Variants in PXDNL observed in about 807,000 individuals in gnomAD.
PXDNL encodes the protein peroxidasin like.
A neutral mutation model predicts 150.8 loss-of-function variants in PXDNL; 145 were observed. The ratio of observed to expected loss-of-function variants is 0.96; its 90% CI spans 0.84 to 1.10. The LOEUF is 1.10. Ranked by LOEUF, PXDNL falls within the 50% of genes least tolerant of loss-of-function variation. PXDNL has a pLI of 0.00. For missense variants in PXDNL, 2,087 were observed against 1,873.9 expected (o/e 1.11, Z -2.10); for synonymous variants, 757 against 725.7 (o/e 1.04, Z -0.69).
intron 1 of PXDNL, among the ~76,000 whole-genome samples, chr8:51,721,198 A>C (rs147718060): frequency 1.0e-3 from 158 of 152,346 alleles, no homozygotes; most frequent in African/African-American, 3.7e-3. Flanking sequence ...CTGGCACTGA[A>C]AACGAGCAGA....
At chr8:51,597,840 G>T (rs13253251) in intron 2 of PXDNL, among the ~76,000 whole-genome samples, 1 of 151,488 alleles carries the variant, frequency 6.6e-6, no homozygotes, top group East Asian at 1.9e-4. Flanking sequence ...TCAGCCTCCC[G>T]AGTAGCTGGG....
intron 8 of PXDNL, among the ~76,000 whole-genome samples, chr8:51,462,955 G>T (rs1245655295): frequency 6.6e-6 from 1 of 152,134 alleles, no homozygotes; most frequent in Non-Finnish European, 1.5e-5. Flanking sequence ...TTGCAAGCCA[G>T]AAGAGATTTT....
chr8:51,649,168 T>C (rs963371263), intron 2 of PXDNL, among the ~76,000 whole-genome samples: 2 of 152,192 alleles, frequency 1.3e-5, no homozygotes, highest in African/African-American at 4.8e-5. Context: ...CCTCTTTGGC[T>C]GGTAACTGTG....
intron 5 of PXDNL, among the ~76,000 whole-genome samples, chr8:51,497,566 C>T (rs147552774): frequency 5.0e-4 from 76 of 151,782 alleles, no homozygotes; most frequent in African/African-American, 1.7e-3. Flanking sequence ...AGAATCTACA[C>T]TGAACTCAAA....
intron 1 of PXDNL, among the ~76,000 whole-genome samples, chr8:51,744,855 AGGAAAGAGAAAGAAAAG>A (rs2036960186): frequency 2.0e-5 from 3 of 150,418 alleles, no homozygotes; most frequent in South Asian, 2.1e-4. Context: ...GAAGGAAAGA[AGGAAAGAGAAAGAAAAG>A]GGAAAGAGAA....
At chr8:51,776,353 G>A (rs887771135) in intron 1 of PXDNL, among the ~76,000 whole-genome samples, 1 of 152,044 alleles carries the variant, frequency 6.6e-6, no homozygotes, top group Non-Finnish European at 1.5e-5. Flanking sequence ...AAACTTGCTG[G>A]TTTTGCGGGT....
intron 4 of PXDNL, among the ~76,000 whole-genome samples, chr8:51,539,317 A>C (rs143036216): frequency 1.3e-5 from 2 of 152,196 alleles, no homozygotes; most frequent in African/African-American, 4.8e-5. Flanking sequence ...AATTAAACTT[A>C]CTTATGCATG....
Position 51,319,978 on chromosome 8 carries a change from G to A in PXDNL, c.4305C>T (p.Pro1435=). 1.3e-6 allele frequency: 2 copies of A among 1,573,930 alleles called. No homozygotes were observed. The highest frequency in any genetic ancestry group is 1.7e-6 in the Non-Finnish European group (2 of 1,160,516). Residue 1435 remains proline (P), a synonymous_variant, in exon 23 of 23, where the codon CCC becomes CCT. Transcript: ENST00000356297. ...TCVVEICPPA[P]CPSPELVKGT... ...CTTTCACCAATTCAGGACTGGGACA[G>A]GGAGCCGGGGGACAAATCTCCACCA...
At chr8:51,551,563 A>C (rs1812485351) in intron 4 of PXDNL, among the ~76,000 whole-genome samples, 1 of 152,174 alleles carries the variant, frequency 6.6e-6, no homozygotes, top group Non-Finnish European at 1.5e-5. Context: ...GCAAATAAAA[A>C]CATAAAGTGG....
At chr8:51,433,136 G>A (rs187761131) in intron 12 of PXDNL, among the ~76,000 whole-genome samples, 1 of 151,972 alleles carries the variant, frequency 6.6e-6, no homozygotes, top group African/African-American at 2.4e-5. Context: ...TTGAATCTGA[G>A]AGGCAGAGAT....
chr8:51,797,465 C>A (rs918840452), intron 1 of PXDNL, among the ~76,000 whole-genome samples: 1 of 152,202 alleles, frequency 6.6e-6, no homozygotes, highest in Admixed American at 6.5e-5. Context: ...TGATAAGCCC[C>A]TTTGGCAAAG....
At chr8:51,657,810 A>G (rs1026037731) in intron 1 of PXDNL, among the ~76,000 whole-genome samples, 11 of 152,228 alleles carry the variant, frequency 7.2e-5, no homozygotes, top group African/African-American at 2.7e-4. Context: ...CACTGGATTG[A>G]TTTGAAAGCC....
chr8:51,361,252 CTTGG>C (rs1806728297), intron 19 of PXDNL, among the ~76,000 whole-genome samples: 2 of 152,162 alleles, frequency 1.3e-5, no homozygotes, highest in African/African-American at 4.8e-5. Context: ...TATTAACTGG[CTTGG>C]ATCCAGTTAG....
intron 14 of PXDNL, 66 bp from the exon 15 acceptor site, chr8:51,413,324 G>GAATGGCATTACATTTTTAAATGT (rs1808706116): frequency 1.2e-6 from 1 of 865,658 alleles, no homozygotes. Flanking sequence ...GATATTATAT[G>GAATGGCATTACATTTTTAAATGT]AATGGCATTA....
chr8:51,530,070 G>A (rs1372109340), intron 4 of PXDNL, among the ~76,000 whole-genome samples: 1 of 152,196 alleles, frequency 6.6e-6, no homozygotes, highest in Non-Finnish European at 1.5e-5. Flanking sequence ...GATATAGGTT[G>A]AAGATAAAGC....
At chr8:51,367,210 A>G (rs1464950468) in intron 19 of PXDNL, among the ~76,000 whole-genome samples, 1 of 151,414 alleles carries the variant, frequency 6.6e-6, no homozygotes, top group Non-Finnish European at 1.5e-5. Context: ...TGGGATGTTC[A>G]CCCTCACCAT....
intron 4 of PXDNL, among the ~76,000 whole-genome samples, chr8:51,550,866 G>A (rs2130519909): frequency 6.6e-6 from 1 of 152,198 alleles, no homozygotes; most frequent in South Asian, 2.1e-4. Flanking sequence ...CAGTAAAGAG[G>A]AGTCAAACTG....
intron 8 of PXDNL, among the ~76,000 whole-genome samples, chr8:51,471,372 G>T (rs1810329146): frequency 6.6e-6 from 1 of 152,030 alleles, no homozygotes; most frequent in Non-Finnish European, 1.5e-5. Flanking sequence ...ACAGGTTTTT[G>T]GACTCATTGG....
chr8:51,615,558 T>C (rs112699514), intron 2 of PXDNL, among the ~76,000 whole-genome samples: 1 of 152,128 alleles, frequency 6.6e-6, no homozygotes, highest in African/African-American at 2.4e-5. Flanking sequence ...AGGCTGGAAA[T>C]GGAGTCACAA....
Sources: allele counts gnomAD v4.1 joint callset (sites outside exome capture counted in the v4.1 genomes callset), GRCh38; gene constraint gnomAD v4.1.1; transcripts MANE v1.5; gene names NCBI Gene and HGNC (gene_info 2026-07-23, HGNC 2026-07-21).